The following TBPL2 variants were observed in gnomAD, a reference collection of about 807,000 sequenced individuals.
TBPL2 encodes the protein TATA-box binding protein like 2, also known as TATA box-binding protein-like 2.
TBPL2 carries 40 observed loss-of-function variants against 38.2 expected under a neutral mutation model. The ratio of observed to expected loss-of-function variants is 1.05; its 90% CI spans 0.81 to 1.36. TBPL2 has a LOEUF of 1.36. Among genes scored for constraint, TBPL2 ranks in the 40% most tolerant of loss-of-function variants. The pLI, the probability that TBPL2 is intolerant of heterozygous loss-of-function variation, is 0.00. For missense variants in TBPL2, 461 were observed against 456.7 expected, an observed-to-expected ratio of 1.01 and a Z score of -0.09; for synonymous variants, 169 against 171.7, an observed-to-expected ratio of 0.98 and a Z score of 0.12.
chr14:55,423,719 G>A (rs1007685572), intron 6 of TBPL2, among the ~76,000 whole-genome samples: 1 of 152,156 alleles, frequency 6.6e-6, no homozygotes, highest in Non-Finnish European at 1.5e-5. Context: ...GTAACATTCA[G>A]AGCTGCTTTC....
intron 5 of TBPL2, among the ~76,000 whole-genome samples, chr14:55,428,471 TG>T (rs140004964): frequency 0.074 from 11,203 of 152,188 alleles, 424 homozygotes; most frequent in Non-Finnish European, 0.085. Context: ...TCTCAATGTG[TG>T]GGCCTCTGAC....
chr14:55,435,980 T>TAA (rs113744998), intron 2 of TBPL2, 46 bp from the exon 3 acceptor site: 300,217 of 846,774 alleles, frequency 0.35, 22,345 homozygotes, highest in Admixed American at 0.48. Context: ...ATATAAAGAG[T>TAA]AAAAAAAAAA....
chr14:55,416,511 A>G (rs1020520946), intron 6 of TBPL2, among the ~76,000 whole-genome samples: 4 of 152,218 alleles, frequency 2.6e-5, no homozygotes, highest in Non-Finnish European at 5.9e-5. Flanking sequence ...TACTATCTGT[A>G]GGTCTTCACC....
chr14:55,425,772 C>T (rs1279616063), intron 5 of TBPL2, among the ~76,000 whole-genome samples: 1 of 152,182 alleles, frequency 6.6e-6, no homozygotes, highest in Admixed American at 6.5e-5. Context: ...TCTCATAGCC[C>T]CTGAAGGGCC....
chr14:55,433,712 CA>C lies in TBPL2; in HGVS notation c.705del (p.Ala236LeufsTer3). ...GGCTCTCGGATCCTCATTATGACAG[CA>C]GCAAACCTCTATACCCAGAAACCAA... On this transcript the variant is annotated frameshift_variant, in exon 4 of 7. Transcript: ENST00000247219. LOFTEE classifies it high-confidence loss of function. 1 of 1,613,982 alleles carries C rather than the reference CA, an allele frequency of 6.2e-7. No homozygotes were observed. The highest frequency in any genetic ancestry group is 8.5e-7 in the Non-Finnish European group (1 of 1,179,934).
chr14:55,422,545 G>A (rs1170121239), intron 6 of TBPL2, among the ~76,000 whole-genome samples: 7 of 152,174 alleles, frequency 4.6e-5, no homozygotes, highest in East Asian at 3.9e-4. Context: ...CACCGCGCCC[G>A]GTCATAAAAT....
intron 6 of TBPL2, among the ~76,000 whole-genome samples, chr14:55,417,485 G>A (rs763555496): frequency 2.3e-5 from 3 of 131,656 alleles, no homozygotes; most frequent in Admixed American, 8.4e-5. Context: ...AAAAAGTCTC[G>A]CTCGGTCACC....
intron 1 of TBPL2, chr14:55,438,794 C>G (rs144024754): frequency 2.0e-5 from 3 of 152,280 alleles, no homozygotes; most frequent in East Asian, 1.9e-4. Flanking sequence ...TATCCACTTA[C>G]CTTTCTCAGA....
chr14:55,435,998 A>C, intron 2 of TBPL2, 64 bp from the exon 3 acceptor site: 1 of 995,530 alleles, frequency 1.0e-6, no homozygotes, highest in Non-Finnish European at 1.5e-6. Context: ...AAAAAAGACA[A>C]CTTATTTTCT....
chr14:55,438,005 A>G (rs1886043188), intron 1 of TBPL2, among the ~76,000 whole-genome samples: 2 of 152,246 alleles, frequency 1.3e-5, no homozygotes, highest in African/African-American at 4.8e-5. Flanking sequence ...GCACCTGAGG[A>G]AAGCAACTAA....
exon 5 of TBPL2, chr14:55,428,925 T>C (rs771982636): frequency 9.3e-6 from 15 of 1,614,064 alleles, no homozygotes; most frequent in Non-Finnish European, 1.3e-5. Flanking sequence ...AACCCAAGCT[T>C]CTGCACCACA....
chr14:55,439,617 C>CCCCGCCCG (rs1555344748), intron 1 of TBPL2, among the ~76,000 whole-genome samples: 5 of 72,628 alleles, frequency 6.9e-5, no homozygotes, highest in African/African-American at 2.2e-4. Flanking sequence ...AAAGCAAACC[C>CCCCGCCCG]CCCCCCGTCT....
At chr14:55,424,741 A>C (rs1475091870) in intron 5 of TBPL2, among the ~76,000 whole-genome samples, 5 of 152,218 alleles carry the variant, frequency 3.3e-5, no homozygotes, top group Admixed American at 2.6e-4. Flanking sequence ...GTGCTATATA[A>C]ATAAAGAAAA....
At chr14:55,437,383 C>T (rs1288783323) in intron 1 of TBPL2, among the ~76,000 whole-genome samples, 2 of 152,212 alleles carry the variant, frequency 1.3e-5, no homozygotes, top group Non-Finnish European at 2.9e-5. Context: ...GAGGCTGAGG[C>T]ATGAGAATCT....
intron 3 of TBPL2, among the ~76,000 whole-genome samples, chr14:55,434,926 C>T (rs1193891675): frequency 6.6e-6 from 1 of 151,920 alleles, no homozygotes; most frequent in Non-Finnish European, 1.5e-5. Context: ...TCTTACTCAT[C>T]TTTGTACTCC....
intron 1 of TBPL2, among the ~76,000 whole-genome samples, chr14:55,437,233 T>G (rs971963149): frequency 6.6e-5 from 10 of 152,232 alleles, no homozygotes; most frequent in Non-Finnish European, 1.3e-4. Flanking sequence ...TCCCAGCACT[T>G]TGGAAGGCTG....
chr14:55,417,654 G>T (rs1885688067), intron 6 of TBPL2, among the ~76,000 whole-genome samples: 1 of 152,050 alleles, frequency 6.6e-6, no homozygotes, highest in African/African-American at 2.4e-5. Context: ...AGAGATGGGG[G>T]TCTCGCTATG....
At chr14:55,431,239 A>G (rs1453215979) in intron 4 of TBPL2, among the ~76,000 whole-genome samples, 2 of 152,230 alleles carry the variant, frequency 1.3e-5, no homozygotes, top group Non-Finnish European at 2.9e-5. Flanking sequence ...AACCAAATAT[A>G]TTTGGATAAA....
intron 5 of TBPL2, 28 bp from the exon 6 acceptor site, chr14:55,424,281 A>C (rs375434184): frequency 8.2e-6 from 12 of 1,459,024 alleles, no homozygotes; most frequent in Non-Finnish European, 1.2e-5. Flanking sequence ...GAAAATGTTA[A>C]AAATAGCACT....
Sources: allele counts gnomAD v4.1 joint callset (sites outside exome capture counted in the v4.1 genomes callset), GRCh38; gene constraint gnomAD v4.1.1; transcripts MANE v1.5; gene names NCBI Gene and HGNC (gene_info 2026-07-23, HGNC 2026-07-21).